BICC1: variants seen among roughly 807,000 people sequenced by gnomAD.
BICC1 encodes BicC family RNA binding protein 1, also known as protein bicaudal C homolog 1.
BICC1 carries 43 observed loss-of-function variants against 111.0 expected under a neutral mutation model. That is an observed-to-expected ratio of 0.39 (90% CI 0.30 to 0.50). The LOEUF is 0.50. BICC1 is among the 20% of genes least tolerant of loss of function. BICC1 has a pLI of 0.88. For missense variants in BICC1, 1,091 were observed against 1,203.2 expected, an observed-to-expected ratio of 0.91 and a Z score of 1.38; for synonymous variants, 467 against 434.4, an observed-to-expected ratio of 1.07 and a Z score of -0.93.
chr10:58,666,083 A>G (rs573486406), intron 2 of BICC1, among the ~76,000 whole-genome samples: 21 of 152,360 alleles, frequency 1.4e-4, no homozygotes, highest in African/African-American at 5.0e-4. Context: ...TGAGCAATGA[A>G]TGATTTGCAA....
intron 1 of BICC1, among the ~76,000 whole-genome samples, chr10:58,586,590 G>A (rs2132027033): frequency 6.9e-6 from 1 of 144,970 alleles, no homozygotes; most frequent in South Asian, 2.3e-4. Flanking sequence ...CCTCCAGCCT[G>A]GGCAACAGAG....
At chr10:58,720,802 G>T (rs917084723) in intron 3 of BICC1, among the ~76,000 whole-genome samples, 14 of 152,212 alleles carry the variant, frequency 9.2e-5, no homozygotes, top group African/African-American at 3.4e-4. Context: ...TGAAAGATGA[G>T]TATAGTAGGT....
chr10:58,573,130 T>A (rs916640961), intron 1 of BICC1, among the ~76,000 whole-genome samples: 1 of 152,124 alleles, frequency 6.6e-6, no homozygotes, highest in Non-Finnish European at 1.5e-5. Context: ...TCTCTCCCAT[T>A]CTGCCTCTAC....
At chr10:58,601,096 G>C (rs1845008828) in intron 1 of BICC1, among the ~76,000 whole-genome samples, 1 of 118,946 alleles carries the variant, frequency 8.4e-6, no homozygotes, top group Non-Finnish European at 1.7e-5. Context: ...TTTTTACTTG[G>C]GTATTTATGT....
intron 3 of BICC1, among the ~76,000 whole-genome samples, chr10:58,702,637 C>G (rs1840272478): frequency 6.6e-6 from 1 of 152,080 alleles, no homozygotes; most frequent in Non-Finnish European, 1.5e-5. Context: ...TTTCCCTTGC[C>G]TGGTTTTACC....
chr10:58,690,720 G>T lies in BICC1; in HGVS notation c.238-11354G>T, dbSNP rs117145225. Among the ~76,000 whole-genome samples the T allele has an allele frequency of 8.5e-5, 13 of 152,056 alleles. No homozygotes were observed. In the East Asian group the frequency reaches 2.5e-3, roughly 29 times the overall value. The stretch of plus-strand genomic sequence containing the variant: ...TGCCATTATAGATCTCAGTTATTGT[G>T]CTGATCTGTTATTACTCATCAGCAT... On this transcript the variant is annotated intron_variant, in intron 2 of 20. Transcript: ENST00000373886.
intron 3 of BICC1, among the ~76,000 whole-genome samples, chr10:58,745,840 A>G (rs1031993722): frequency 6.6e-6 from 1 of 152,058 alleles, no homozygotes; most frequent in African/African-American, 2.4e-5. Context: ...AGCCTAACAC[A>G]GGATTTAAGG....
intron 3 of BICC1, among the ~76,000 whole-genome samples, chr10:58,760,418 C>G (rs550162958): frequency 6.6e-6 from 1 of 152,042 alleles, no homozygotes; most frequent in African/African-American, 2.4e-5. Context: ...GGAATCCCAC[C>G]GTAATATATA....
chr10:58,550,956 T>G (rs1197185655), intron 1 of BICC1, among the ~76,000 whole-genome samples: 1 of 152,214 alleles, frequency 6.6e-6, no homozygotes, highest in Non-Finnish European at 1.5e-5. Context: ...CTCCTTCATC[T>G]TGTCATCAGC....
chr10:58,598,449 A>G (rs1309808864), intron 1 of BICC1, among the ~76,000 whole-genome samples: 2 of 152,192 alleles, frequency 1.3e-5, no homozygotes, highest in African/African-American at 4.8e-5. Context: ...AAAACTGGCT[A>G]GCCATATGCA....
intron 3 of BICC1, among the ~76,000 whole-genome samples, chr10:58,748,469 G>T (rs1288749804): frequency 2.0e-5 from 3 of 151,820 alleles, no homozygotes; most frequent in Non-Finnish European, 4.4e-5. Flanking sequence ...AGTGGTGGGG[G>T]GTGGGGAGAA....
intron 1 of BICC1, among the ~76,000 whole-genome samples, chr10:58,522,595 A>T (rs1842421541): frequency 6.6e-6 from 1 of 152,204 alleles, no homozygotes; most frequent in African/African-American, 2.4e-5. Context: ...TGCCCACAAG[A>T]GAAAGCAGGA....
intron 1 of BICC1, among the ~76,000 whole-genome samples, chr10:58,611,075 T>G (rs1845402258): frequency 1.3e-5 from 2 of 152,252 alleles, no homozygotes; most frequent in African/African-American, 4.8e-5. Context: ...TATATCTACA[T>G]TTGATTTTCG....
intron 3 of BICC1, among the ~76,000 whole-genome samples, chr10:58,783,114 G>C (rs1002111495): frequency 6.6e-6 from 1 of 152,158 alleles, no homozygotes; most frequent in African/African-American, 2.4e-5. Context: ...CCTTCACAGT[G>C]TCCCTGTGAC....
intron 3 of BICC1, among the ~76,000 whole-genome samples, chr10:58,745,823 G>A (rs977407518): frequency 3.9e-5 from 6 of 151,946 alleles, no homozygotes; most frequent in Admixed American, 1.3e-4. Flanking sequence ...ATTACCTTTT[G>A]CCGTGTAGCC....
intron 3 of BICC1, among the ~76,000 whole-genome samples, chr10:58,749,159 CT>C (rs1246656801): frequency 1.3e-5 from 2 of 152,062 alleles, no homozygotes; most frequent in African/African-American, 4.8e-5. Flanking sequence ...AGGGCAGAGA[CT>C]ATTGTTCATG....
Position 58,715,566 on chromosome 10 carries a change from G to A in BICC1, c.307+13423G>A. 7 of 1,561,800 alleles carry A rather than the reference G, an allele frequency of 4.5e-6. No individual in the cohort carries two copies. In the Admixed American group the frequency reaches 6.7e-5, roughly 15 times the overall value. ...TCAGTCCAGCACCATGGGGAAGCGG[G>A]ACAATCGGGTGGCCTATATGCACCC... On this transcript the variant is annotated intron_variant, in intron 3 of 20. Transcript: ENST00000373886.
chr10:58,635,252 T>C (rs1837920300), intron 2 of BICC1, among the ~76,000 whole-genome samples: 1 of 152,212 alleles, frequency 6.6e-6, no homozygotes, highest in South Asian at 2.1e-4. Flanking sequence ...AGTTAAAAAA[T>C]AGTTCTTTCC....
In BICC1 at chr10:58,513,299, C is replaced by T. The variant is rs759986530; in HGVS notation, c.156C>T (p.Arg52=). 6.2e-7 allele frequency: 1 copy of T among 1,610,720 alleles called. No individual in the cohort carries two copies. ...HSPEWSEERF[R]VDRKKLEAML... is the part of the protein sequence containing the mutation. ...CGGAGTGGAGCGAGGAGCGCTTCCG[C>T]GTGGACAGGAAGAAACTTGAGGCCA... The change falls in exon 1 of 21, where the codon CGC becomes CGT. Residue 52 remains arginine (R), a synonymous_variant. Coordinates refer to ENST00000373886, the MANE Select transcript of BICC1 (RefSeq NM_001080512.3).
Sources: gnomAD v4.1 joint callset for allele counts (sites outside exome capture counted in the v4.1 genomes callset) on GRCh38, gnomAD v4.1.1 for gene constraint, MANE v1.5 for transcripts, NCBI Gene and HGNC (gene_info 2026-07-23, HGNC 2026-07-21) for gene names.